AMY2B: variants seen among roughly 807,000 people sequenced by gnomAD.
AMY2B encodes amylase alpha 2B.
AMY2B carries 63 observed loss-of-function variants against 59.3 expected under a neutral mutation model. The ratio of observed to expected loss-of-function variants is 1.06; its 90% CI spans 0.87 to 1.31. The LOEUF is 1.31. AMY2B is among the 50% of genes most tolerant of loss of function. The probability of loss-of-function intolerance (pLI) is 0.00; values close to 1 mark genes in which losing one functional copy is unlikely to be tolerated. For missense variants in AMY2B, 635 were observed against 626.7 expected (o/e 1.01, Z -0.14); for synonymous variants, 180 against 198.1 (o/e 0.91, Z 0.77).
In AMY2B at chr1:103,577,825, T is replaced by C. The variant is rs771680423; in HGVS notation, c.1326T>C (p.Ile442=). 1 of 1,603,942 alleles carries C rather than the reference T, an allele frequency of 6.2e-7. No individual in the cohort carries two copies. The highest frequency in any genetic ancestry group is 8.5e-7 in the Non-Finnish European group (1 of 1,179,722). ...VAFGRGNRGF[I]VFNNDDWTFS... is the part of the protein sequence containing the mutation. ...TTGGGAGAGGAAACAGAGGATTCAT[T>C]GTTTTCAACAATGATGACTGGTAAG... is the stretch of plus-strand genomic sequence containing the variant. The change falls in exon 9 of 10, where the codon ATT becomes ATC. Residue 442 remains isoleucine (I), a synonymous_variant. Coordinates refer to ENST00000684275, the MANE Select transcript of AMY2B (RefSeq NM_001387437.1).
At chr1:103,578,195 C>G (rs1158261304) in intron 9 of AMY2B, among the ~76,000 whole-genome samples, 2 of 152,060 alleles carry the variant, frequency 1.3e-5, no homozygotes, top group African/African-American at 4.8e-5. Flanking sequence ...TCTTATATTC[C>G]TGTTTTTTTA....
intron 1 of AMY2B, among the ~76,000 whole-genome samples, chr1:103,557,480 C>T (rs866820569): frequency 6.6e-6 from 1 of 151,948 alleles, no homozygotes; most frequent in African/African-American, 2.4e-5. Flanking sequence ...GATGAGACCT[C>T]GTCTCTACTA....
At chr1:103,569,283 A>G (rs1416341694), upstream of AMY2B, 1 of 151,494 alleles carries the variant, frequency 6.6e-6, no homozygotes, top group African/African-American at 2.5e-5. Flanking sequence ...CTATATATAC[A>G]TACACACACA....
chr1:103,567,250 T>C (rs80337097), upstream of AMY2B, among the ~76,000 whole-genome samples: 976 of 152,108 alleles, frequency 6.4e-3, no homozygotes, highest in African/African-American at 0.022. Context: ...ACAAAACCAC[T>C]AGGAAATTCA....
At chr1:103,555,285 A>G (rs1195746648) in intron 1 of AMY2B, 1 of 151,654 alleles carries the variant, frequency 6.6e-6, no homozygotes, top group Non-Finnish European at 1.5e-5. Flanking sequence ...ATCTAGGAAA[A>G]CATAATATTA....
intron 2 of AMY2B, among the ~76,000 whole-genome samples, chr1:103,565,890 T>G (rs566534128): frequency 6.6e-6 from 1 of 152,310 alleles, no homozygotes; most frequent in African/African-American, 2.4e-5. Flanking sequence ...TTCCTATCTC[T>G]TTGTTTTCTG....
At chr1:103,571,986 A>G in intron 1 of AMY2B, 124 bp from the exon 2 acceptor site, 2 of 1,553,114 alleles carry the variant, frequency 1.3e-6, no homozygotes, top group Non-Finnish European at 1.7e-6. Flanking sequence ...TGTGCTGTTA[A>G]TATTTTCAAG....
At chr1:103,575,623 T>G in intron 7 of AMY2B, 83 bp downstream of exon 7, 1 of 1,559,076 alleles carries the variant, frequency 6.4e-7, no homozygotes, top group Non-Finnish European at 8.7e-7. Flanking sequence ...CAACTATTAA[T>G]TATATATTCA....
At position 103,577,579 on chromosome 1, in the gene AMY2B, G is replaced by C. The variant is rs772402281; in HGVS notation, c.1191G>C (p.Trp397Cys). ...INPDTTCGND[W>C]VCEHRWRQIR... is the part of the protein sequence containing the mutation. The stretch of plus-strand genomic sequence containing the variant: ...CAGACACTACTTGTGGCAATGACTG[G>C]GTCTGTGAACATCGATGGCGCCAAA... Residue 397 changes from tryptophan (W) to cysteine (C), a missense_variant, in exon 8 of 10, where the codon TGG (tryptophan) becomes TGC (cysteine). Trp to Cys is a radical substitution (Grantham distance 215). Coordinates refer to ENST00000684275, the MANE Select transcript of AMY2B (RefSeq NM_001387437.1). 5.6e-6 allele frequency: 9 copies of C among 1,611,896 alleles called. No homozygotes were observed. The East Asian group carries it at 6.7e-5, about 12-fold the overall frequency.
At chr1:103,567,538 G>T (rs2101067340), upstream of AMY2B, among the ~76,000 whole-genome samples, 1 of 152,172 alleles carries the variant, frequency 6.6e-6, no homozygotes, top group South Asian at 2.1e-4. Flanking sequence ...GTTTACCTCT[G>T]AAATATACCT....
At chr1:103,569,638 C>T (rs1375738240), upstream of AMY2B, 1 of 400,478 alleles carries the variant, frequency 2.5e-6, no homozygotes, top group Non-Finnish European at 5.0e-6. Context: ...AACCCCCAGC[C>T]ATGTTTCCTT....
At chr1:103,577,283 G>C in intron 7 of AMY2B, 1 of 1,020,516 alleles carries the variant, frequency 9.8e-7, no homozygotes, top group African/African-American at 1.6e-5. Context: ...TGTTACCTTT[G>C]TTTGAAATAT....
chr1:103,554,810 AC>A (rs1272755443), exon 1 of AMY2B: 1 of 152,616 alleles, frequency 6.6e-6, no homozygotes, highest in East Asian at 1.9e-4. Flanking sequence ...AAAGTACAAA[AC>A]CTATAGATTT....
chr1:103,575,111 G>A (rs1241239028), intron 5 of AMY2B, 112 bp from the exon 6 acceptor site: 2 of 1,474,464 alleles, frequency 1.4e-6, no homozygotes, highest in African/African-American at 1.4e-5. Context: ...TTTAATTAGA[G>A]AAAGAATTTA....
rs572271887 is a variant in AMY2B at position 103,572,255 on chromosome 1, G to T, written c.314G>T (p.Gly105Val). 31 of 1,608,982 alleles carry T rather than the reference G, an allele frequency of 1.9e-5. No individual in the cohort carries two copies. The Admixed American group carries it at 5.0e-4, about 26-fold the overall frequency. Residue 105 changes from glycine to valine, a missense_variant and splice_region_variant, in exon 2 of 10, where the codon GGG (glycine) becomes GTG (valine). Physicochemically the swap from Gly to Val is moderately radical, Grantham distance 109. Coordinates refer to ENST00000684275, the MANE Select transcript of AMY2B (RefSeq NM_001387437.1). ...RNMVTRCNNV[G>V]VRIYVDAVIN... Reference sequence around the variant, plus strand: ...ATGGTGACTAGATGTAACAATGTTGGGGTAAGTGAATTCTAGTTTCCTTGA... The same window carrying T: ...ATGGTGACTAGATGTAACAATGTTGTGGTAAGTGAATTCTAGTTTCCTTGA...
chr1:103,558,344 A>G (rs531720142), intron 1 of AMY2B, among the ~76,000 whole-genome samples: 4 of 152,194 alleles, frequency 2.6e-5, no homozygotes, highest in African/African-American at 9.6e-5. Context: ...CTGCAGAATA[A>G]CCTATTCTGT....
At chr1:103,573,570 G>C in intron 3 of AMY2B, 138 bp from the exon 4 acceptor site, 1 of 1,336,426 alleles carries the variant, frequency 7.5e-7, no homozygotes, top group Non-Finnish European at 1.0e-6. Flanking sequence ...AGTAGAATGT[G>C]AGCATCCCCA....
exon 1 of AMY2B, chr1:103,554,753 T>C (rs181222329): frequency 4.6e-5 from 7 of 152,716 alleles, no homozygotes; most frequent in African/African-American, 1.7e-4. Flanking sequence ...TCTGCTACTA[T>C]TATTAGATCT....
intron 1 of AMY2B, among the ~76,000 whole-genome samples, chr1:103,559,844 T>C (rs1414630170): frequency 6.6e-6 from 1 of 152,038 alleles, no homozygotes; most frequent in East Asian, 1.9e-4. Flanking sequence ...TACTAGAGAG[T>C]AAAAACTGAC....
Sources: allele counts gnomAD v4.1 joint callset (sites outside exome capture counted in the v4.1 genomes callset), GRCh38; gene constraint gnomAD v4.1.1; transcripts MANE v1.5; gene names NCBI Gene and HGNC (gene_info 2026-07-23, HGNC 2026-07-21).